NTNG1: variants seen among roughly 807,000 people sequenced by gnomAD.
The protein encoded by NTNG1 is netrin G1.
In NTNG1, 16 loss-of-function variants were observed where a neutral mutation model predicts 54.0. That is an observed-to-expected ratio of 0.30 (90% CI 0.20 to 0.45). The LOEUF is 0.45. NTNG1 is among the 20% of genes least tolerant of loss of function. The pLI, the probability that NTNG1 is intolerant of heterozygous loss-of-function variation, is 1.00. For synonymous variants in NTNG1, 255 were observed against 263.1 expected (o/e 0.97, Z 0.30); for missense variants, 530 against 678.7 (o/e 0.78, Z 2.43).
At chr1:107,171,958 G>A (rs1656279624) in intron 2 of NTNG1, among the ~76,000 whole-genome samples, 1 of 151,150 alleles carries the variant, frequency 6.6e-6, no homozygotes, top group Non-Finnish European at 1.5e-5. Flanking sequence ...TTTTGAGATG[G>A]CAAGTGAGAA....
At chr1:107,446,413 T>C (rs571346931) in intron 7 of NTNG1, among the ~76,000 whole-genome samples, 1 of 152,230 alleles carries the variant, frequency 6.6e-6, no homozygotes, top group African/African-American at 2.4e-5. Context: ...GATCATTCAG[T>C]TGTATTCTGC....
At chr1:107,316,252 A>G (rs2101852568) in intron 2 of NTNG1, among the ~76,000 whole-genome samples, 1 of 152,318 alleles carries the variant, frequency 6.6e-6, no homozygotes, top group Non-Finnish European at 1.5e-5. Context: ...GCTATCTTCT[A>G]CCTAGAAGTG....
chr1:107,399,037 A>T (rs1672859092), intron 4 of NTNG1, among the ~76,000 whole-genome samples: 1 of 152,148 alleles, frequency 6.6e-6, no homozygotes, highest in African/African-American at 2.4e-5. Flanking sequence ...TATTATACCT[A>T]TACCTCTCCT....
intron 2 of NTNG1, among the ~76,000 whole-genome samples, chr1:107,229,271 T>G (rs1660895959): frequency 6.6e-6 from 1 of 150,626 alleles, no homozygotes; most frequent in Non-Finnish European, 1.5e-5. Context: ...TGATCCAGCA[T>G]TGGCCTTCTC....
intron 6 of NTNG1, 62 bp from the exon 7 acceptor site, chr1:107,436,603 T>C: frequency 3.4e-6 from 5 of 1,475,638 alleles, no homozygotes; most frequent in Admixed American, 3.9e-5. Context: ...GACGCTCCTG[T>C]GTTGATAACC....
chr1:107,454,469 TG>T (rs1676813798), intron 7 of NTNG1, among the ~76,000 whole-genome samples: 1 of 151,990 alleles, frequency 6.6e-6, no homozygotes, highest in African/African-American at 2.4e-5. Flanking sequence ...AGGCCTAAGA[TG>T]TTAACGGAAA....
chr1:107,262,683 A>G (rs563843357), intron 2 of NTNG1, among the ~76,000 whole-genome samples: 1 of 152,342 alleles, frequency 6.6e-6, no homozygotes, highest in African/African-American at 2.4e-5. Flanking sequence ...AAAATCGCTT[A>G]TGTTGACTTG....
intron 5 of NTNG1, among the ~76,000 whole-genome samples, chr1:107,412,119 G>A (rs1456270098): frequency 2.0e-5 from 3 of 149,076 alleles, no homozygotes; most frequent in African/African-American, 4.9e-5. Context: ...TTTTAAGTGT[G>A]AGCTGATATC....
chr1:107,330,977 C>T (rs565740834), intron 3 of NTNG1: 1 of 152,110 alleles, frequency 6.6e-6, no homozygotes, highest in Non-Finnish European at 1.5e-5. Context: ...AAGTAATAAT[C>T]CTTTAAATTT....
At chr1:107,457,610 C>A (rs960677886) in intron 7 of NTNG1, among the ~76,000 whole-genome samples, 4 of 151,982 alleles carry the variant, frequency 2.6e-5, no homozygotes, top group African/African-American at 7.2e-5. Context: ...TATTAATGAT[C>A]TAGAAAATCT....
chr1:107,451,105 T>C (rs1676595349), intron 7 of NTNG1, among the ~76,000 whole-genome samples: 2 of 102,028 alleles, frequency 2.0e-5, no homozygotes, highest in Admixed American at 2.3e-4. Context: ...TCTTTCTTTC[T>C]TTCTTTTTTT....
intron 2 of NTNG1, among the ~76,000 whole-genome samples, chr1:107,248,994 C>CAA (rs1196454799): frequency 9.2e-4 from 100 of 109,112 alleles, no homozygotes; most frequent in African/African-American, 2.2e-3. Flanking sequence ...ACTAAAAGTA[C>CAA]AAAAAAAAAA....
chr1:107,414,699 C>T (rs1200978413), intron 5 of NTNG1, among the ~76,000 whole-genome samples: 1 of 152,122 alleles, frequency 6.6e-6, no homozygotes, highest in Non-Finnish European at 1.5e-5. Flanking sequence ...TTTACAACAG[C>T]AACCGCAAAT....
At chr1:107,419,239 CCTCT>C (rs147796224) in intron 5 of NTNG1, among the ~76,000 whole-genome samples, 4 of 148,246 alleles carry the variant, frequency 2.7e-5, no homozygotes, top group South Asian at 4.3e-4. Context: ...CCTCCTCCCT[CCTCT>C]CTCTCTCTCT....
Position 107,416,543 on chromosome 1 carries a change from C to A in NTNG1, c.1087+8835C>A, listed in dbSNP as rs555914027. Among the ~76,000 whole-genome samples, 30 of 151,972 alleles carry A rather than the reference C, an allele frequency of 2.0e-4. No individual in the cohort carries two copies. In the South Asian group the frequency reaches 5.2e-3, roughly 26 times the overall value. On this transcript the variant is annotated intron_variant, in intron 5 of 7. Transcript: ENST00000370068. ...TATAAGAAGATCCATAAACTGGAAC[C>A]TCAGCACCCTGTGGGAAAAAAATCA... is the stretch of plus-strand genomic sequence containing the variant.
intron 2 of NTNG1, among the ~76,000 whole-genome samples, chr1:107,323,827 C>G (rs1327133336): frequency 6.6e-6 from 1 of 152,056 alleles, no homozygotes; most frequent in Non-Finnish European, 1.5e-5. Context: ...CCCTACAGAA[C>G]ACAGGTATCT....
At chr1:107,413,482 AGATT>A (rs1673982066) in intron 5 of NTNG1, among the ~76,000 whole-genome samples, 1 of 152,148 alleles carries the variant, frequency 6.6e-6, no homozygotes, top group African/African-American at 2.4e-5. Flanking sequence ...TGCTATTTCC[AGATT>A]TCCTGAGGAA....
intron 2 of NTNG1, among the ~76,000 whole-genome samples, chr1:107,322,900 A>G (rs1667733836): frequency 6.6e-6 from 1 of 152,084 alleles, no homozygotes; most frequent in South Asian, 2.1e-4. Flanking sequence ...ATTCGGTTAC[A>G]TTAATGGGAA....
At position 107,419,367 on chromosome 1, in the gene NTNG1, T is replaced by C. The variant is rs556082249; in HGVS notation, c.1088-11383T>C. On this transcript the variant is annotated intron_variant, in intron 5 of 7. Coordinates refer to ENST00000370068, the MANE Select transcript of NTNG1 (RefSeq NM_001113226.3). ...TTTAGAGCAATCTGTTCTCTTTCTG[T>C]CCTTAGAGCAGTAATTATTTTCTGA... 1.6e-4 allele frequency among the ~76,000 whole-genome samples: 24 copies of C among 151,414 alleles called. 1 individual carries two copies. The South Asian group carries it at 3.5e-3, about 22-fold the overall frequency.
Sources: gnomAD v4.1 joint callset for allele counts (sites outside exome capture counted in the v4.1 genomes callset) on GRCh38, gnomAD v4.1.1 for gene constraint, MANE v1.5 for transcripts, NCBI Gene and HGNC (gene_info 2026-07-23, HGNC 2026-07-21) for gene names.